The following EFCAB6 variants were observed in gnomAD, a reference collection of about 807,000 sequenced individuals.
The protein encoded by EFCAB6 is EF-hand calcium binding domain 6, also known as EF-hand calcium-binding domain-containing protein 6.
Under a neutral mutation model 169.8 loss-of-function variants are expected in EFCAB6, and 156 were observed. The ratio of observed to expected loss-of-function variants is 0.92; its 90% CI spans 0.81 to 1.05. The LOEUF (loss-of-function observed/expected upper bound fraction) is 1.05, where lower values mean the gene tolerates loss of function less well. EFCAB6 is among the 50% of genes least tolerant of loss of function. The pLI is 0.00. For synonymous variants in EFCAB6, 698 were observed against 676.4 expected (o/e 1.03, Z -0.50); for missense variants, 1,800 against 1,829.1 (o/e 0.98, Z 0.29).
chr22:43,726,213 C>T lies in EFCAB6; in HGVS notation c.757+5486G>A, dbSNP rs2059720938. On this transcript the variant is annotated intron_variant, in intron 8 of 31. Transcript: ENST00000262726. Reference sequence around the variant, plus strand: ...GTCCATAGCAAAACTGAAATTGTATCCTAGAACTTACCTTCTTATAATACC... The same window carrying T: ...GTCCATAGCAAAACTGAAATTGTATTCTAGAACTTACCTTCTTATAATACC... Among the ~76,000 whole-genome samples the T allele has an allele frequency of 6.9e-5, 10 of 145,962 alleles. No individual in the cohort carries two copies. The South Asian group carries it at 2.2e-3, about 32-fold the overall frequency.
intron 7 of EFCAB6, among the ~76,000 whole-genome samples, chr22:43,732,143 G>A (rs1260334131): frequency 1.3e-5 from 2 of 152,178 alleles, no homozygotes; most frequent in East Asian, 3.9e-4. Context: ...GGCTCTGTCT[G>A]CACGGCAGCT....
At chr22:43,675,953 A>G (rs2057738229) in intron 13 of EFCAB6, among the ~76,000 whole-genome samples, 1 of 151,964 alleles carries the variant, frequency 6.6e-6, no homozygotes, top group Non-Finnish European at 1.5e-5. Flanking sequence ...CCAGCATAAT[A>G]TAAGTAAGTA....
intron 23 of EFCAB6, among the ~76,000 whole-genome samples, chr22:43,594,050 C>T (rs932547825): frequency 4.0e-5 from 6 of 151,876 alleles, no homozygotes; most frequent in Non-Finnish European, 5.9e-5. Flanking sequence ...CCGAGGTGGG[C>T]GGATCACCTG....
In EFCAB6 at chr22:43,711,492, A is replaced by G; in HGVS notation, c.1014T>C (p.Phe338=). 6.3e-7 allele frequency: 1 copy of G among 1,582,296 alleles called. No homozygotes were observed. Among genetic ancestry groups the G allele is most frequent in the Middle Eastern group, 1.7e-4 (1 of 5,950 alleles). The part of the protein sequence containing the change: ...TFVYQIPRRI[F]IQLMKRFGLK... ...ACTCTTACCTTTTCATTAACTGGAT[A>G]AAAATTCTTCTTGGTATTTGGTATA... The change falls in exon 10 of 32, where the codon TTT becomes TTC. Residue 338 remains phenylalanine, a synonymous_variant. Coordinates refer to ENST00000262726, the MANE Select transcript of EFCAB6 (RefSeq NM_022785.4).
At chr22:43,686,468 T>C (rs138043150) in intron 11 of EFCAB6, among the ~76,000 whole-genome samples, 91 of 152,166 alleles carry the variant, frequency 6.0e-4, no homozygotes, top group African/African-American at 2.1e-3. Flanking sequence ...GGAGGAAAAA[T>C]TGTCCCCATT....
intron 6 of EFCAB6, among the ~76,000 whole-genome samples, chr22:43,754,586 G>A (rs2060887836): frequency 6.6e-6 from 1 of 152,226 alleles, no homozygotes; most frequent in Non-Finnish European, 1.5e-5. Context: ...TCCATGGGGA[G>A]GAGGATGGGA....
At chr22:43,666,176 C>T (rs879147276) in intron 17 of EFCAB6, among the ~76,000 whole-genome samples, 12 of 152,312 alleles carry the variant, frequency 7.9e-5, no homozygotes, top group Admixed American at 7.8e-4. Context: ...TCCTGGCTCT[C>T]CCCATATGCT....
Position 43,644,325 on chromosome 22 carries a change from G to A in EFCAB6, c.1984-9109C>T, listed in dbSNP as rs921700412. 4.6e-5 allele frequency among the ~76,000 whole-genome samples: 7 copies of A among 152,206 alleles called. No homozygotes were observed. The South Asian group carries it at 6.2e-4, about 14-fold the overall frequency. On this transcript the variant is annotated intron_variant, in intron 17 of 31. Coordinates refer to ENST00000262726, the MANE Select transcript of EFCAB6 (RefSeq NM_022785.4). ...ACACGCCATCCACTGAGGGGTTCAC[G>A]ATGGGGAACAAGCAGGGAGGAGGTA...
At chr22:43,547,348 T>C (rs1017721704) in intron 27 of EFCAB6, among the ~76,000 whole-genome samples, 1 of 152,154 alleles carries the variant, frequency 6.6e-6, no homozygotes, top group African/African-American at 2.4e-5. Flanking sequence ...TTTTGTTACA[T>C]ACGATAAAAT....
rs951512866 is a variant in EFCAB6, at chr22:43,599,418, G to T, written c.2876+651C>A. On this transcript the variant is annotated intron_variant, in intron 23 of 31. Coordinates refer to ENST00000262726, the MANE Select transcript of EFCAB6 (RefSeq NM_022785.4). Reference sequence around the variant, plus strand: ...CCAGCTACTCAGGAGCCTGAATCAGGAGAATCGCTTGAACCCGGGAGGTGG... The same window carrying T: ...CCAGCTACTCAGGAGCCTGAATCAGTAGAATCGCTTGAACCCGGGAGGTGG... 4.8e-5 allele frequency among the ~76,000 whole-genome samples: 7 copies of T among 146,162 alleles called. No homozygotes were observed. The East Asian group carries it at 1.4e-3, about 30-fold the overall frequency.
At chr22:43,600,372 C>T in intron 22 of EFCAB6, 109 bp from the exon 23 acceptor site, 3 of 1,129,916 alleles carry the variant, frequency 2.7e-6, no homozygotes, top group Non-Finnish European at 2.6e-6. Flanking sequence ...CGTCTTCCAT[C>T]CCTCACCACT....
intron 2 of EFCAB6, among the ~76,000 whole-genome samples, chr22:43,806,512 T>C (rs921570650): frequency 2.0e-5 from 3 of 152,060 alleles, no homozygotes; most frequent in Admixed American, 2.0e-4. Flanking sequence ...TCCCGAAGTG[T>C]TGGGATTACA....
At chr22:43,770,870 A>G (rs2061446684) in intron 4 of EFCAB6, among the ~76,000 whole-genome samples, 1 of 152,124 alleles carries the variant, frequency 6.6e-6, no homozygotes, top group Non-Finnish European at 1.5e-5. Context: ...GAAACAGAAT[A>G]TGGTATGCAT....
intron 3 of EFCAB6, among the ~76,000 whole-genome samples, chr22:43,774,915 A>C (rs954520167): frequency 6.6e-6 from 1 of 151,950 alleles, no homozygotes; most frequent in Non-Finnish European, 1.5e-5. Flanking sequence ...CATCAAAAGA[A>C]CAACATAACC....
chr22:43,583,688 C>T (rs948225472), intron 24 of EFCAB6, among the ~76,000 whole-genome samples: 2 of 151,988 alleles, frequency 1.3e-5, no homozygotes, highest in South Asian at 2.1e-4. Context: ...ATAAAGGAGG[C>T]CCCAGAGAGA....
intron 21 of EFCAB6, among the ~76,000 whole-genome samples, chr22:43,615,466 A>T (rs2053624925): frequency 2.0e-5 from 3 of 152,164 alleles, no homozygotes; most frequent in Admixed American, 2.0e-4. Context: ...AGCATCTTAT[A>T]TTTTTCATGT....
intron 26 of EFCAB6, among the ~76,000 whole-genome samples, chr22:43,557,900 C>T (rs2048801939): frequency 6.6e-6 from 1 of 152,124 alleles, no homozygotes; most frequent in Admixed American, 6.5e-5. Flanking sequence ...CACATGTCAA[C>T]AGATAGCAGA....
At chr22:43,541,241 G>T (rs2047701288) in intron 27 of EFCAB6, among the ~76,000 whole-genome samples, 1 of 152,202 alleles carries the variant, frequency 6.6e-6, no homozygotes, top group Middle Eastern at 3.2e-3. Context: ...GGTCTCCACT[G>T]GGGTTTTCCA....
chr22:43,559,610 C>T (rs975567992), intron 26 of EFCAB6, among the ~76,000 whole-genome samples: 48 of 152,188 alleles, frequency 3.2e-4, no homozygotes, highest in Non-Finnish European at 4.4e-5. Context: ...TTGGAACCAA[C>T]CCAAATGCCC....
Sources: allele counts gnomAD v4.1 joint callset (sites outside exome capture counted in the v4.1 genomes callset), GRCh38; gene constraint gnomAD v4.1.1; transcripts MANE v1.5; gene names NCBI Gene and HGNC (gene_info 2026-07-23, HGNC 2026-07-21).